GRIK2: variants seen among roughly 807,000 people sequenced by gnomAD.
GRIK2 encodes the protein glutamate receptor ionotropic, kainate 2.
Under a neutral mutation model 100.3 loss-of-function variants are expected in GRIK2, and 32 were observed. The ratio of observed to expected loss-of-function variants is 0.32; its 90% CI spans 0.24 to 0.43. The LOEUF is 0.43. Among genes scored for constraint, GRIK2 ranks in the 20% least tolerant of loss-of-function variants. The pLI, the probability that GRIK2 is intolerant of heterozygous loss-of-function variation, is 1.00. For missense variants in GRIK2, 843 were observed against 1,114.9 expected, an observed-to-expected ratio of 0.76 and a Z score of 3.47; for synonymous variants, 417 against 389.4, an observed-to-expected ratio of 1.07 and a Z score of -0.83.
chr6:101,834,311 G>T (rs553628709), intron 10 of GRIK2, among the ~76,000 whole-genome samples: 1 of 151,948 alleles, frequency 6.6e-6, no homozygotes, highest in South Asian at 2.1e-4. Flanking sequence ...TTACTGTTTA[G>T]CCATTTTCTT....
chr6:101,450,538 A>G (rs540698221), intron 2 of GRIK2, among the ~76,000 whole-genome samples: 2 of 151,748 alleles, frequency 1.3e-5, no homozygotes, highest in Non-Finnish European at 3.0e-5. Flanking sequence ...CTTCTGGTCC[A>G]GACCCCAGCT....
At chr6:101,944,004 C>T (rs1003284353) in intron 14 of GRIK2, among the ~76,000 whole-genome samples, 3 of 152,062 alleles carry the variant, frequency 2.0e-5, no homozygotes, top group African/African-American at 7.2e-5. Context: ...GAAGGAGGGG[C>T]CTGGCAGGAG....
At chr6:101,689,733 T>G (rs2128345944) in intron 7 of GRIK2, among the ~76,000 whole-genome samples, 1 of 152,198 alleles carries the variant, frequency 6.6e-6, no homozygotes, top group South Asian at 2.1e-4. Context: ...AGGGTTTTCT[T>G]TTAACATATG....
chr6:102,018,789 T>C (rs531086631), intron 14 of GRIK2, among the ~76,000 whole-genome samples: 1 of 152,166 alleles, frequency 6.6e-6, no homozygotes. Context: ...ACTTTTGAGC[T>C]CCTTAAATGC....
chr6:101,534,320 A>G (rs1775585196), intron 2 of GRIK2, among the ~76,000 whole-genome samples: 1 of 151,984 alleles, frequency 6.6e-6, no homozygotes, highest in South Asian at 2.1e-4. Context: ...GCTTTAATAC[A>G]GAAAAGCTTC....
At chr6:101,441,027 G>C (rs990895820) in intron 2 of GRIK2, among the ~76,000 whole-genome samples, 1 of 147,782 alleles carries the variant, frequency 6.8e-6, no homozygotes, top group African/African-American at 2.5e-5. Flanking sequence ...GCTCAGGACA[G>C]ATTGCAGTGT....
chr6:101,537,471 T>C (rs1582666966), intron 2 of GRIK2, among the ~76,000 whole-genome samples: 1 of 148,964 alleles, frequency 6.7e-6, no homozygotes, highest in African/African-American at 2.5e-5. Flanking sequence ...TGTGTGTGTG[T>C]GTGTGTTTAA....
intron 10 of GRIK2, among the ~76,000 whole-genome samples, chr6:101,843,685 AGTT>A (rs1200931745): frequency 3.3e-5 from 5 of 152,148 alleles, no homozygotes; most frequent in Non-Finnish European, 5.9e-5. Flanking sequence ...TCACATAGGA[AGTT>A]GTTTTTTGCT....
At chr6:102,030,246 T>C (rs900501439) in intron 14 of GRIK2, among the ~76,000 whole-genome samples, 4 of 151,212 alleles carry the variant, frequency 2.6e-5, no homozygotes, top group Non-Finnish European at 4.4e-5. Context: ...TTGATTGTTC[T>C]TTCTTTTTCT....
intron 2 of GRIK2, among the ~76,000 whole-genome samples, chr6:101,536,814 G>C (rs1044192002): frequency 3.3e-5 from 5 of 151,456 alleles, no homozygotes; most frequent in Middle Eastern, 3.2e-3. Flanking sequence ...TCTTCCAATG[G>C]ATAATAATTC....
At chr6:101,741,568 G>A (rs1339570806) in intron 7 of GRIK2, among the ~76,000 whole-genome samples, 4 of 152,036 alleles carry the variant, frequency 2.6e-5, no homozygotes, top group African/African-American at 9.7e-5. Flanking sequence ...TTTTAAAAGG[G>A]CATCAGTGGA....
chr6:101,856,005 G>A (rs1403907347), intron 10 of GRIK2, among the ~76,000 whole-genome samples: 1 of 152,196 alleles, frequency 6.6e-6, no homozygotes, highest in Non-Finnish European at 1.5e-5. Context: ...GAGAATGATT[G>A]CCTGGCTTTG....
intron 7 of GRIK2, among the ~76,000 whole-genome samples, chr6:101,787,360 G>A (rs912949843): frequency 6.0e-5 from 9 of 150,730 alleles, no homozygotes; most frequent in Admixed American, 4.6e-4. Flanking sequence ...GGTTTGATTT[G>A]TTCTTACTTT....
chr6:101,903,971 C>G (rs570068047), intron 12 of GRIK2, among the ~76,000 whole-genome samples: 3 of 151,490 alleles, frequency 2.0e-5, no homozygotes, highest in South Asian at 2.1e-4. Context: ...TAGGAATTCA[C>G]TATTAACAAA....
intron 9 of GRIK2, among the ~76,000 whole-genome samples, chr6:101,808,280 A>G (rs1188181417): frequency 1.3e-5 from 2 of 152,124 alleles, no homozygotes; most frequent in African/African-American, 4.8e-5. Context: ...TATATAAAAT[A>G]GTGCAATTTC....
chr6:101,712,926 T>C (rs1773817029), intron 7 of GRIK2, among the ~76,000 whole-genome samples: 1 of 151,766 alleles, frequency 6.6e-6, no homozygotes, highest in Non-Finnish European at 1.5e-5. Flanking sequence ...AAAGTAGAGC[T>C]CTTCAAAAGG....
At chr6:101,874,363 C>T (rs1434862973) in intron 11 of GRIK2, among the ~76,000 whole-genome samples, 2 of 152,056 alleles carry the variant, frequency 1.3e-5, no homozygotes, top group Non-Finnish European at 2.9e-5. Context: ...AATCCTTTCC[C>T]CATTTCTTGT....
At chr6:101,840,693 C>G (rs1783436355) in intron 10 of GRIK2, among the ~76,000 whole-genome samples, 1 of 152,014 alleles carries the variant, frequency 6.6e-6, no homozygotes, top group Non-Finnish European at 1.5e-5. Flanking sequence ...AATTAGGTGC[C>G]TAACCTGGAA....
chr6:101,858,016 GT>G (rs1307820173), intron 10 of GRIK2, among the ~76,000 whole-genome samples: 1 of 152,134 alleles, frequency 6.6e-6, no homozygotes, highest in Non-Finnish European at 1.5e-5. Flanking sequence ...TGTTTTCAGA[GT>G]TTCAAGTGTC....
Sources: allele counts gnomAD v4.1 joint callset (sites outside exome capture counted in the v4.1 genomes callset), GRCh38; gene constraint gnomAD v4.1.1; transcripts MANE v1.5; gene names NCBI Gene and HGNC (gene_info 2026-07-23, HGNC 2026-07-21).